CDADC1: variants seen among roughly 807,000 people sequenced by gnomAD.
The protein encoded by CDADC1 is cytidine and dCMP deaminase domain containing 1, also known as dCTP deaminase.
Under a neutral mutation model 54.9 loss-of-function variants are expected in CDADC1, and 39 were observed. The observed-to-expected ratio is 0.71, with a 90% CI of 0.55 to 0.93. CDADC1 has a LOEUF of 0.93. CDADC1 is among the 40% of genes least tolerant of loss of function. CDADC1 has a pLI of 0.00. For synonymous variants in CDADC1, 186 were observed against 204.0 expected, an observed-to-expected ratio of 0.91 and a Z score of 0.75; for missense variants, 518 against 618.8, an observed-to-expected ratio of 0.84 and a Z score of 1.73.
intron 5 of CDADC1, among the ~76,000 whole-genome samples, chr13:49,268,677 AAGG>A (rs1219225143): frequency 6.6e-6 from 1 of 152,210 alleles, no homozygotes; most frequent in Non-Finnish European, 1.5e-5. Flanking sequence ...AAAAAAGAAA[AAGG>A]AGAAAACCAA....
At chr13:49,261,401 C>T (rs1952682085) in intron 4 of CDADC1, among the ~76,000 whole-genome samples, 1 of 152,130 alleles carries the variant, frequency 6.6e-6, no homozygotes. Context: ...GCATTTTTTT[C>T]ACCTTTTCCC....
intron 8 of CDADC1, among the ~76,000 whole-genome samples, chr13:49,284,683 A>G (rs1953453561): frequency 6.6e-6 from 1 of 152,240 alleles, no homozygotes; most frequent in Admixed American, 6.5e-5. Flanking sequence ...CCATTCGTTT[A>G]AATAACCAAC....
At chr13:49,254,408 T>C (rs1952497856) in intron 2 of CDADC1, among the ~76,000 whole-genome samples, 1 of 150,226 alleles carries the variant, frequency 6.7e-6, no homozygotes, top group Non-Finnish European at 1.5e-5. Context: ...CCCACCCTTT[T>C]TTTTTTTTTT....
rs960739000 is a variant in CDADC1, at chr13:49,247,931, C to T, written c.-107C>T. ...GCGTCATCTGGCTGCGCCTAGTGGG[C>T]CGTTGCCTTACAGTTGCTGAGAGGA... On this transcript the variant is annotated 5_prime_UTR_variant, in exon 1 of 10. Transcript: ENST00000251108. 13 of 959,464 alleles carry T rather than the reference C, an allele frequency of 1.4e-5. No homozygotes were observed. Among genetic ancestry groups the T allele is most frequent in the Non-Finnish European group, 1.8e-5 (11 of 615,538 alleles). The allele number at this position is 959,464 out of a possible 1,614,324, so 59.4% of individuals were successfully genotyped here. A position where few individuals can be genotyped will look rare whatever the true frequency, so the allele number is the denominator to read the frequency against.
chr13:49,286,622 G>A (rs1953521891), intron 9 of CDADC1, among the ~76,000 whole-genome samples: 1 of 152,130 alleles, frequency 6.6e-6, no homozygotes, highest in African/African-American at 2.4e-5. Flanking sequence ...GGAAAAATAT[G>A]TATAATTAGT....
intron 8 of CDADC1, among the ~76,000 whole-genome samples, chr13:49,283,546 G>A (rs1454483702): frequency 1.3e-5 from 2 of 152,136 alleles, no homozygotes; most frequent in African/African-American, 2.4e-5. Context: ...AAAGATTAAG[G>A]ACTATGAGTG....
chr13:49,256,131 TA>T (rs373112906), intron 3 of CDADC1, among the ~76,000 whole-genome samples: 34,726 of 145,140 alleles, frequency 0.24, 4,095 homozygotes, highest in South Asian at 0.27. Context: ...CATCTTGCTT[TA>T]AAAAAAAAAA....
intron 4 of CDADC1, chr13:49,265,838 C>A: frequency 7.7e-7 from 1 of 1,291,998 alleles, no homozygotes; most frequent in South Asian, 1.3e-5. Context: ...CACTAATACA[C>A]AAATGTCTGT....
chr13:49,276,845 G>A (rs935025347), intron 6 of CDADC1, among the ~76,000 whole-genome samples: 1 of 152,208 alleles, frequency 6.6e-6, no homozygotes, highest in African/African-American at 2.4e-5. Context: ...CCAGCACCTA[G>A]CATAGGTCTA....
At chr13:49,254,382 T>TCAATGTATTAA in intron 2 of CDADC1, among the ~76,000 whole-genome samples, 1 of 149,972 alleles carries the variant, frequency 6.7e-6, no homozygotes. Flanking sequence ...TAAAACTTTA[T>TCAATGTATTAA]CAATGTATTA....
chr13:49,256,150 G>T (rs1593793609), intron 3 of CDADC1, among the ~76,000 whole-genome samples: 1 of 148,386 alleles, frequency 6.7e-6, no homozygotes. Flanking sequence ...AAAAACTCTT[G>T]ATGGTTCATA....
chr13:49,268,179 C>A, intron 5 of CDADC1, 120 bp downstream of exon 5: 1 of 815,472 alleles, frequency 1.2e-6, no homozygotes, highest in Non-Finnish European at 1.9e-6. Flanking sequence ...GCTGTTCATA[C>A]AATATAGAGA....
rs1952855615 is a variant in CDADC1 at position 49,267,803 on chromosome 13, A to G, written c.744A>G (p.Glu248=). 6.2e-7 allele frequency: 1 copy of G among 1,612,904 alleles called. No individual in the cohort carries two copies. Among genetic ancestry groups the G allele is most frequent in the African/African-American group, 1.3e-5 (1 of 75,008 alleles). The change falls in exon 5 of 10, where the codon GAA becomes GAG. Residue 248 remains glutamate (E), a synonymous_variant. Coordinates refer to ENST00000251108, the MANE Select transcript of CDADC1 (RefSeq NM_030911.4). ...EYEMLFLVSN[E]EMHKQILMTI... ...AAATGTTATTTTTGGTTTCAAATGA[A>G]GAAATGCATAAGCAAATACTGATGA...
At chr13:49,257,657 C>T (rs749914092) in intron 3 of CDADC1, among the ~76,000 whole-genome samples, 73 of 152,162 alleles carry the variant, frequency 4.8e-4, no homozygotes, top group African/African-American at 1.4e-3. Context: ...AGCTACTCCA[C>T]GGGCTGAGGC....
intron 3 of CDADC1, among the ~76,000 whole-genome samples, chr13:49,259,094 T>C (rs1333811343): frequency 6.6e-6 from 1 of 152,224 alleles, no homozygotes; most frequent in East Asian, 1.9e-4. Context: ...AATCTTTCAC[T>C]AGAACAAATT....
chr13:49,285,446 A>G (rs1953484253), intron 8 of CDADC1, among the ~76,000 whole-genome samples: 3 of 152,122 alleles, frequency 2.0e-5, no homozygotes, highest in Admixed American at 1.3e-4. Flanking sequence ...AAGTGCTGGG[A>G]TTACAGGCGT....
chr13:49,248,451 G>C, intron 1 of CDADC1: 1 of 354,408 alleles, frequency 2.8e-6, no homozygotes, highest in Non-Finnish European at 5.2e-6. Flanking sequence ...CCTGTATTTC[G>C]ACTGCTTTAC....
chr13:49,289,686 C>A (rs1280932022), intron 9 of CDADC1, among the ~76,000 whole-genome samples: 1 of 152,108 alleles, frequency 6.6e-6, no homozygotes, highest in African/African-American at 2.4e-5. Context: ...TTGAATTTAA[C>A]AAAGCAAACT....
At chr13:49,251,528 C>T (rs1469642648) in intron 2 of CDADC1, among the ~76,000 whole-genome samples, 2 of 151,192 alleles carry the variant, frequency 1.3e-5, no homozygotes, top group Admixed American at 6.6e-5. Context: ...TTTTTATATA[C>T]ACACCACATC....
Sources: allele counts gnomAD v4.1 joint callset (sites outside exome capture counted in the v4.1 genomes callset), GRCh38; gene constraint gnomAD v4.1.1; transcripts MANE v1.5; gene names NCBI Gene and HGNC (gene_info 2026-07-23, HGNC 2026-07-21).